The following POLR2B variants were observed in gnomAD, a reference collection of about 807,000 sequenced individuals.
POLR2B encodes RNA polymerase II subunit B.
POLR2B carries 57 observed loss-of-function variants against 144.6 expected under a neutral mutation model. The ratio of observed to expected loss-of-function variants is 0.39; its 90% CI spans 0.32 to 0.49. The LOEUF (loss-of-function observed/expected upper bound fraction) is 0.49. Among genes scored for constraint, POLR2B ranks in the 20% least tolerant of loss-of-function variants. The probability of loss-of-function intolerance (pLI) is 0.83; values close to 1 mark genes in which losing one functional copy is unlikely to be tolerated. For synonymous variants in POLR2B, 442 were observed against 469.8 expected (o/e 0.94, Z 0.77); for missense variants, 595 against 1,467.4 (o/e 0.41, Z 9.71).
At position 56,999,968 on chromosome 4, in the gene POLR2B, A is replaced by G. The variant is rs948902123; in HGVS notation, c.900+187A>G. 5.2e-4 allele frequency among the ~76,000 whole-genome samples: 79 copies of G among 152,338 alleles called. 1 individual carries two copies. The highest frequency in any genetic ancestry group is 1.8e-3 in the African/African-American group (76 of 41,580). ...GGTCTCTTTTCTGACAGTTTGTTGT[A>G]AAATAGACATGAAAACCAGAGGCAG... On this transcript the variant is annotated intron_variant, in intron 7 of 24. Coordinates refer to ENST00000314595, the MANE Select transcript of POLR2B (RefSeq NM_000938.3).
intron 2 of POLR2B, among the ~76,000 whole-genome samples, chr4:56,989,926 G>A (rs1277281): frequency 0.92 from 139,656 of 152,228 alleles, 64,061 homozygotes; most frequent in East Asian, 0.97. Context: ...TATGATGTCT[G>A]CTTTTTAGAT....
At chr4:57,010,021 C>T (rs1723140696) in intron 10 of POLR2B, 1 of 180,800 alleles carries the variant, frequency 5.5e-6, no homozygotes, top group Admixed American at 5.9e-5. Context: ...TTAACACTTA[C>T]TGAGTACTTA....
intron 6 of POLR2B, among the ~76,000 whole-genome samples, chr4:56,996,429 C>A (rs1206272827): frequency 6.7e-6 from 1 of 150,248 alleles, no homozygotes; most frequent in Non-Finnish European, 1.5e-5. Context: ...TACAGGCGCC[C>A]GCCACCGCGC....
At chr4:56,996,535 C>T (rs1722696661) in intron 6 of POLR2B, among the ~76,000 whole-genome samples, 1 of 151,550 alleles carries the variant, frequency 6.6e-6, no homozygotes, top group African/African-American at 2.4e-5. Flanking sequence ...CCGCCCGCCT[C>T]GGCCTCCAAA....
rs1191898827 is a variant in POLR2B, at chr4:57,017,125, G to C, written c.2038G>C (p.Asp680His). 1 of 1,612,786 alleles carries C rather than the reference G, an allele frequency of 6.2e-7. No homozygotes were observed. The highest frequency in any genetic ancestry group is 8.5e-7 in the Non-Finnish European group (1 of 1,179,142). The stretch of plus-strand genomic sequence containing the variant: ...AACAGTGATGCTTGCAATGACTCCA[G>C]ATGATTTACAGGAGAAAGAAGTAGC... ...EETVMLAMTPDDLQEKEVAYC... is the reference protein window; with the variant it reads ...EETVMLAMTPHDLQEKEVAYC... Residue 680 changes from aspartate (D) to histidine (H), a missense_variant, in exon 15 of 25, where the codon GAT (aspartate) becomes CAT (histidine). Asp to His is a moderately conservative substitution (Grantham distance 81, BLOSUM62 -1). This residue lies in a region of POLR2B where 59 missense variants were observed against 84.2 expected (regional missense o/e 0.70). Transcript: ENST00000314595. The surrounding 1 kb of genome is among the most constrained non-coding windows in gnomAD (Gnocchi z 4.8).
At position 57,023,233 on chromosome 4, in the gene POLR2B, C is replaced by T. The variant is rs1723608991; in HGVS notation, c.2516-97C>T. The T allele has an allele frequency of 8.9e-7, 1 of 1,126,436 alleles. No individual in the cohort carries two copies. The highest frequency in any genetic ancestry group is 1.4e-5 in the South Asian group (1 of 70,000). The allele number at this position is 1,126,436 out of a possible 1,614,324, so 69.8% of individuals were successfully genotyped here. A position where few individuals can be genotyped will look rare whatever the true frequency, so the allele number is the denominator to read the frequency against. On this transcript the variant is annotated intron_variant, in intron 18 of 24. Transcript: ENST00000314595. The surrounding 1 kb of genome is among the most constrained non-coding windows in gnomAD (Gnocchi z 4.3). ...AAGGGTGTGATTCATGGTATAGAGA[C>T]TCCTGTGGCCTTCTCTCTGACTTGG...
In POLR2B at chr4:56,992,443, C is replaced by T. The variant is rs1323737233; in HGVS notation, c.243+1545C>T. Among the ~76,000 whole-genome samples, 26 of 95,496 alleles carry T rather than the reference C, an allele frequency of 2.7e-4. 1 individual carries two copies. The highest frequency in any genetic ancestry group is 4.4e-4 in the South Asian group (1 of 2,294). The allele number at this position is 95,496 out of a possible 152,430, so 62.6% of individuals were successfully genotyped here. On this transcript the variant is annotated intron_variant, in intron 3 of 24. Transcript: ENST00000314595. ...TCACGCCACTGCACTCCAGCCTGGGCGAGAGGTCGAGACTCTGTCTCAAAA... is the reference window on the plus strand; with the variant it reads ...TCACGCCACTGCACTCCAGCCTGGGTGAGAGGTCGAGACTCTGTCTCAAAA...
intron 9 of POLR2B, 40 bp from the exon 10 acceptor site, chr4:57,006,776 G>A: frequency 6.8e-7 from 1 of 1,461,892 alleles, no homozygotes; most frequent in Non-Finnish European, 9.5e-7. Flanking sequence ...ATATGTTGTA[G>A]ACCTCTACAT....
chr4:56,987,022 T>G (rs993946611), intron 2 of POLR2B, among the ~76,000 whole-genome samples: 1 of 152,170 alleles, frequency 6.6e-6, no homozygotes, highest in Non-Finnish European at 1.5e-5. Context: ...AGTTCCTCAG[T>G]GTGTCTGTTC....
At chr4:57,011,634 C>T (rs1723191046) in intron 13 of POLR2B, among the ~76,000 whole-genome samples, 3 of 152,110 alleles carry the variant, frequency 2.0e-5, no homozygotes, top group African/African-American at 7.2e-5. Context: ...ACCATCCTGG[C>T]CAACATGGTG....
At chr4:57,020,803 A>C in intron 16 of POLR2B, 96 bp from the exon 17 acceptor site, 1 of 783,070 alleles carries the variant, frequency 1.3e-6, no homozygotes, top group Admixed American at 1.8e-5. Context: ...CCAAGCATTT[A>C]TGGCAAATAT....
intron 10 of POLR2B, among the ~76,000 whole-genome samples, chr4:57,008,545 T>C (rs1723095959): frequency 6.6e-6 from 1 of 152,200 alleles, no homozygotes; most frequent in Admixed American, 6.5e-5. Context: ...TGCCAGGCAC[T>C]CTGCCACATG....
At position 57,017,036 on chromosome 4, in the gene POLR2B, T is replaced by C. The variant is rs772950948; in HGVS notation, c.1956-7T>C. The C allele has an allele frequency of 1.3e-6, 2 of 1,549,934 alleles. No homozygotes were observed. The highest frequency in any genetic ancestry group is 2.3e-5 in the East Asian group (1 of 42,682). ...GGAAGTAGAAAATTGAGTGAATTCTTTTTTAGTTGGCAGGATCTTGTGGCC... is the reference window on the plus strand; with the variant it reads ...GGAAGTAGAAAATTGAGTGAATTCTCTTTTAGTTGGCAGGATCTTGTGGCC... On this transcript the variant is annotated splice_region_variant and splice_polypyrimidine_tract_variant and intron_variant, in intron 14 of 24. Transcript: ENST00000314595. This position sits in a 1 kb window ranked among gnomAD's most constrained non-coding sequence, Gnocchi z 4.8.
At position 57,023,027 on chromosome 4, in the gene POLR2B, T is replaced by C. The variant is rs913322677; in HGVS notation, c.2516-303T>C. ...CTGATGGCAGAGATATTCTTTCTCT[T>C]GTAATATAGAAATCAGAAGATGACA... On this transcript the variant is annotated intron_variant, in intron 18 of 24. Transcript: ENST00000314595. The surrounding 1 kb of genome is among the most constrained non-coding windows in gnomAD (Gnocchi z 4.3). 4.6e-5 allele frequency among the ~76,000 whole-genome samples: 7 copies of C among 152,208 alleles called. No homozygotes were observed. The highest frequency in any genetic ancestry group is 3.2e-3 in the Middle Eastern group (1 of 316).
Position 57,017,557 on chromosome 4 carries a change from T to G in POLR2B, c.2155-3T>G, listed in dbSNP as rs1360606946. The stretch of plus-strand genomic sequence containing the variant: ...TGTTTCTGCTTTTCATTTTTACGTT[T>G]AGTCCCCTAGAAACACATACCAGTC... On this transcript the variant is annotated splice_region_variant and splice_polypyrimidine_tract_variant and intron_variant, in intron 15 of 24. Coordinates refer to ENST00000314595, the MANE Select transcript of POLR2B (RefSeq NM_000938.3). This position sits in a 1 kb window ranked among gnomAD's most constrained non-coding sequence, Gnocchi z 4.8. The G allele has an allele frequency of 6.3e-7, 1 of 1,586,186 alleles. No individual in the cohort carries two copies.
At chr4:56,981,437 G>T (rs773084159) in intron 1 of POLR2B, among the ~76,000 whole-genome samples, 9 of 152,148 alleles carry the variant, frequency 5.9e-5, no homozygotes. Flanking sequence ...ATATAAAATT[G>T]TCAGGTCAAA....
chr4:57,006,670 C>A, intron 9 of POLR2B, 146 bp from the exon 10 acceptor site: 1 of 624,412 alleles, frequency 1.6e-6, no homozygotes, highest in African/African-American at 1.8e-5. Flanking sequence ...TATATCTGTG[C>A]TTTAGACATA....
intron 1 of POLR2B, among the ~76,000 whole-genome samples, chr4:56,980,964 C>T (rs1722139692): frequency 6.6e-6 from 1 of 151,928 alleles, no homozygotes. Flanking sequence ...ACCACCGTGC[C>T]CAGCTAATTT....
At chr4:57,026,108 C>T (rs896600506) in intron 23 of POLR2B, among the ~76,000 whole-genome samples, 2 of 152,076 alleles carry the variant, frequency 1.3e-5, no homozygotes, top group Non-Finnish European at 2.9e-5. Context: ...CATGGTGGCA[C>T]ACACCTGTAA....
Sources: allele counts gnomAD v4.1 joint callset (sites outside exome capture counted in the v4.1 genomes callset), GRCh38; gene constraint gnomAD v4.1.1; regional missense constraint gnomAD v4.1.1; non-coding constraint Gnocchi (gnomAD v3.1); transcripts MANE v1.5; gene names NCBI Gene and HGNC (gene_info 2026-07-23, HGNC 2026-07-21).